Variants in SCAF8 observed in about 807,000 individuals in gnomAD.
SCAF8 encodes the protein SR-related and CTD-associated factor 8.
In SCAF8, 23 loss-of-function variants were observed where a neutral mutation model predicts 140.5. The observed-to-expected ratio is 0.16, with a 90% CI of 0.12 to 0.23. SCAF8 has a LOEUF of 0.23. SCAF8 is among the 10% of genes least tolerant of loss of function. The probability of loss-of-function intolerance (pLI) is 1.00; values close to 1 mark genes in which losing one functional copy is unlikely to be tolerated. For synonymous variants in SCAF8, 575 were observed against 528.9 expected (o/e 1.09, Z -1.20); for missense variants, 1,397 against 1,555.7 (o/e 0.90, Z 1.72).
intron 1 of SCAF8, among the ~76,000 whole-genome samples, chr6:154,736,324 GC>G (rs1161178531): frequency 2.1e-5 from 3 of 142,868 alleles, no homozygotes; most frequent in African/African-American, 8.0e-5. Context: ...AGGCTGGAGT[GC>G]AATGGCGAGA....
intron 15 of SCAF8, among the ~76,000 whole-genome samples, chr6:154,821,234 C>T (rs1470204345): frequency 6.6e-6 from 1 of 152,122 alleles, no homozygotes; most frequent in African/African-American, 2.4e-5. Context: ...ACCCATGGTC[C>T]AAATCCTGTT....
At chr6:154,804,098 T>C (rs1347112768) in intron 8 of SCAF8, among the ~76,000 whole-genome samples, 1 of 151,998 alleles carries the variant, frequency 6.6e-6, no homozygotes, top group African/African-American at 2.4e-5. Context: ...TTTTTTTCCC[T>C]AAACAATTCT....
intron 1 of SCAF8, among the ~76,000 whole-genome samples, chr6:154,740,684 A>G (rs1582991762): frequency 6.9e-6 from 1 of 145,808 alleles, no homozygotes; most frequent in East Asian, 2.0e-4. Flanking sequence ...CAGTGGTGCC[A>G]TCAAGGGCTC....
rs146655506 is a variant in SCAF8 at position 154,832,906 on chromosome 6, C to T, written c.3327C>T (p.Val1109=). ...AGAGAGAGCATCGGGTTCTACCGGT[C>T]TATGGTGGTCCAAAAGGCTTACATG... The part of the protein sequence containing the change: ...FDEREHRVLP[V]YGGPKGLHEE... The change falls in exon 20 of 20, where the codon GTC becomes GTT. Residue 1109 remains valine, a synonymous_variant. Transcript: ENST00000367178. 29 of 1,614,018 alleles carry T rather than the reference C, an allele frequency of 1.8e-5. No homozygotes were observed. The East Asian group carries it at 6.2e-4, about 35-fold the overall frequency.
intron 13 of SCAF8, among the ~76,000 whole-genome samples, chr6:154,817,961 A>G (rs1353059740): frequency 6.6e-6 from 1 of 152,146 alleles, no homozygotes; most frequent in Non-Finnish European, 1.5e-5. Context: ...TAAGACTGAA[A>G]ATTTTTATCA....
At chr6:154,819,276 T>C (rs1469490443) in intron 14 of SCAF8, among the ~76,000 whole-genome samples, 1 of 152,226 alleles carries the variant, frequency 6.6e-6, no homozygotes. Context: ...TAGTCTCCTC[T>C]GGAATAAAAG....
intron 6 of SCAF8, among the ~76,000 whole-genome samples, chr6:154,797,378 A>G (rs1229488547): frequency 6.6e-6 from 1 of 151,090 alleles, no homozygotes; most frequent in African/African-American, 2.4e-5. Context: ...AATTCTTTGC[A>G]AGATTAATCT....
chr6:154,832,268 C>A lies in SCAF8; in HGVS notation c.2689C>A (p.Leu897Met), dbSNP rs745485641. ...AAATGTTCCAAATACTCCTGGACTT[C>A]TGGGAACACAGCCACCAGCTGGACC... The part of the protein sequence containing the change: ...PPNVPNTPGL[L>M]GTQPPAGPQN... Residue 897 changes from leucine to methionine, a missense_variant, in exon 20 of 20, where the codon CTG (leucine) becomes ATG (methionine). By Grantham distance (15) the Leu-to-Met change is conservative. Coordinates refer to ENST00000367178, the MANE Select transcript of SCAF8 (RefSeq NM_014892.5). 6.2e-7 allele frequency: 1 copy of A among 1,614,128 alleles called. No individual in the cohort carries two copies. Among genetic ancestry groups the A allele is most frequent in the East Asian group, 2.2e-5 (1 of 44,884 alleles).
chr6:154,816,766 C>A (rs1778262909), intron 13 of SCAF8, among the ~76,000 whole-genome samples: 1 of 152,168 alleles, frequency 6.6e-6, no homozygotes, highest in Non-Finnish European at 1.5e-5. Context: ...CCAAACTTGA[C>A]TTTTCTGTAA....
rs545864062 is a variant in SCAF8, at chr6:154,780,207, T to G, written c.159+2162T>G. Among the ~76,000 whole-genome samples the G allele has an allele frequency of 9.9e-5, 15 of 152,246 alleles. No individual in the cohort carries two copies. The East Asian group carries it at 2.9e-3, about 29-fold the overall frequency. On this transcript the variant is annotated intron_variant, in intron 3 of 19. Coordinates refer to ENST00000367178, the MANE Select transcript of SCAF8 (RefSeq NM_014892.5). ...CTAATCCCTAATGCCTGGCAGTCAT[T>G]AACCTGTTCTCTTTCTCTATTTTAC...
chr6:154,734,009 G>T, intron 1 of SCAF8, 79 bp downstream of exon 1: 1 of 1,432,850 alleles, frequency 7.0e-7, no homozygotes, highest in South Asian at 1.6e-5. Flanking sequence ...CGGAGGGTGG[G>T]CGCGGGCCTG....
chr6:154,833,349 T>C lies in SCAF8; in HGVS notation c.3770T>C (p.Ile1257Thr), dbSNP rs967700065. 24 of 1,613,760 alleles carry C rather than the reference T, an allele frequency of 1.5e-5. No homozygotes were observed. The highest frequency in any genetic ancestry group is 2.2e-5 in the East Asian group (1 of 44,858). ...NKEKSDTVADIESEPVVESTE... is the reference protein window; with the variant it reads ...NKEKSDTVADTESEPVVESTE... ...GAGAAGAGTGACACAGTTGCTGATA[T>C]AGAAAGTGAACCAGTGGTAGAAAGC... The change falls in exon 20 of 20, where the codon ATA (isoleucine) becomes ACA (threonine). Residue 1257 changes from isoleucine (I) to threonine (T), a missense_variant. Ile to Thr is a moderately conservative substitution (Grantham distance 89). Transcript: ENST00000367178.
At chr6:154,761,290 C>A (rs1005738022) in intron 1 of SCAF8, among the ~76,000 whole-genome samples, 2 of 151,876 alleles carry the variant, frequency 1.3e-5, no homozygotes, top group Non-Finnish European at 2.9e-5. Flanking sequence ...AGTTCGAGAC[C>A]GCCTGGGCAA....
intron 3 of SCAF8, among the ~76,000 whole-genome samples, chr6:154,778,286 C>T: frequency 6.6e-6 from 1 of 152,280 alleles, no homozygotes; most frequent in South Asian, 2.1e-4. Context: ...GAATCGGTGT[C>T]ATGTGGTATT....
At chr6:154,745,207 A>G (rs1039803725) in intron 1 of SCAF8, among the ~76,000 whole-genome samples, 1 of 152,156 alleles carries the variant, frequency 6.6e-6, no homozygotes, top group Non-Finnish European at 1.5e-5. Flanking sequence ...ATAGGCCAGT[A>G]TTTTTAGAAT....
At chr6:154,777,942 G>A in intron 2 of SCAF8, 59 bp from the exon 3 acceptor site, 1 of 1,062,346 alleles carries the variant, frequency 9.4e-7, no homozygotes, top group Non-Finnish European at 1.4e-6. Flanking sequence ...TGGTTAGCAG[G>A]AAATTTCAAT....
intron 7 of SCAF8, among the ~76,000 whole-genome samples, chr6:154,802,617 C>CAA (rs71763761): frequency 7.7e-6 from 1 of 130,096 alleles, no homozygotes; most frequent in African/African-American, 2.9e-5. Context: ...ACTCTTGACT[C>CAA]AAAAAAAAAA....
Position 154,832,209 on chromosome 6 carries a change from C to T in SCAF8, c.2630C>T (p.Pro877Leu). 6.2e-7 allele frequency: 1 copy of T among 1,614,120 alleles called. No individual in the cohort carries two copies. The highest frequency in any genetic ancestry group is 8.5e-7 in the Non-Finnish European group (1 of 1,180,008). Reference protein sequence around the residue: ...GLLGVLPPNIPNNSGLVGVQP... With the variant: ...GLLGVLPPNILNNSGLVGVQP... ...TTGGGAGTGCTACCCCCAAATATAC[C>T]TAACAATTCTGGACTTGTAGGAGTA... The change falls in exon 20 of 20, where the codon CCT (proline) becomes CTT (leucine). Residue 877 changes from proline (P) to leucine (L), a missense_variant. By Grantham distance (98) the Pro-to-Leu change is moderately conservative. Transcript: ENST00000367178.
chr6:154,831,888 G>T, intron 19 of SCAF8, 51 bp from the exon 20 acceptor site: 1 of 1,484,272 alleles, frequency 6.7e-7, no homozygotes, highest in Non-Finnish European at 9.1e-7. Flanking sequence ...TAAAATTATT[G>T]GAAACTTTTG....
Sources: allele counts gnomAD v4.1 joint callset (sites outside exome capture counted in the v4.1 genomes callset), GRCh38; gene constraint gnomAD v4.1.1; transcripts MANE v1.5; gene names NCBI Gene and HGNC (gene_info 2026-07-23, HGNC 2026-07-21).